Variants in CFAP95 observed in about 807,000 individuals in gnomAD.
CFAP95 encodes the protein cilia and flagella associated protein 95, also known as cilia- and flagella-associated protein 95.
the CFAP95 span, chr9:69,856,677 T>C: frequency 6.3e-7 from 1 of 1,586,396 alleles, no homozygotes; most frequent in South Asian, 1.1e-5. Flanking sequence ...TCGAAAGGTA[T>C]TCTTAATACT....
the CFAP95 span, among the ~76,000 whole-genome samples, chr9:69,898,413 A>G: frequency 1.5e-4 from 23 of 152,334 alleles, no homozygotes; most frequent in Non-Finnish European, 2.9e-4. Flanking sequence ...CCATGGCTGT[A>G]TACCAATCAA....
chr9:69,884,957 G>A, the CFAP95 span: 1 of 152,126 alleles, frequency 6.6e-6, no homozygotes, highest in Non-Finnish European at 1.5e-5. Context: ...ATCACCTGAA[G>A]GGCTTGCTGA....
the CFAP95 span, among the ~76,000 whole-genome samples, chr9:69,827,117 T>C: frequency 2.0e-3 from 303 of 152,338 alleles, 2 homozygotes; most frequent in African/African-American, 7.0e-3. Context: ...CTAGTTGCAG[T>C]GTGTGTCATA....
chr9:69,838,604 G>A, the CFAP95 span, among the ~76,000 whole-genome samples: 18 of 151,870 alleles, frequency 1.2e-4, no homozygotes, highest in Non-Finnish European at 2.6e-4. Context: ...CTTCGCTGAA[G>A]TTGCTTATCA....
chr9:69,854,877 A>G, the CFAP95 span, among the ~76,000 whole-genome samples: 4 of 152,190 alleles, frequency 2.6e-5, no homozygotes, highest in South Asian at 2.1e-4. Context: ...TGTTCTGAGT[A>G]GGTTGATACA....
chr9:69,881,478 G>A, the CFAP95 span, among the ~76,000 whole-genome samples: 2,803 of 152,242 alleles, frequency 0.018, 92 homozygotes, highest in African/African-American at 0.064. Context: ...CACTGTAGGT[G>A]TGTGGATTTG....
the CFAP95 span, among the ~76,000 whole-genome samples, chr9:69,833,567 G>A: frequency 2.6e-5 from 4 of 152,250 alleles, no homozygotes; most frequent in East Asian, 7.7e-4. Context: ...TATCTGTGCA[G>A]CTGCGGGAAA....
chr9:69,863,436 T>G, the CFAP95 span, among the ~76,000 whole-genome samples: 1 of 152,202 alleles, frequency 6.6e-6, no homozygotes, highest in African/African-American at 2.4e-5. Context: ...TAAGTCAATT[T>G]AAGAGTTTTT....
the CFAP95 span, among the ~76,000 whole-genome samples, chr9:69,846,223 C>T: frequency 2.0e-5 from 3 of 152,012 alleles, no homozygotes; most frequent in Non-Finnish European, 4.4e-5. Context: ...TACCTCATAT[C>T]GTGGGGGAAG....
the CFAP95 span, among the ~76,000 whole-genome samples, chr9:69,873,312 T>A: frequency 6.6e-6 from 1 of 152,210 alleles, no homozygotes; most frequent in Admixed American, 6.5e-5. Flanking sequence ...GATAAAAAAA[T>A]AAGCCTGGCA....
chr9:69,905,729 T>G, the CFAP95 span, among the ~76,000 whole-genome samples: 16 of 152,214 alleles, frequency 1.1e-4, no homozygotes, highest in Non-Finnish European at 2.1e-4. Context: ...CTTTTTAGTT[T>G]TATAAACAAC....
At chr9:69,900,212 CCCCAATACA>C in the CFAP95 span, among the ~76,000 whole-genome samples, 1 of 151,848 alleles carries the variant, frequency 6.6e-6, no homozygotes, top group Non-Finnish European at 1.5e-5. Flanking sequence ...GTATTGGGGA[CCCCAATACA>C]CCATACTCTT....
chr9:69,893,729 G>A, the CFAP95 span, among the ~76,000 whole-genome samples: 12 of 152,132 alleles, frequency 7.9e-5, no homozygotes, highest in Non-Finnish European at 1.3e-4. Flanking sequence ...CTTGTACCTG[G>A]AAAATTAAGG....
the CFAP95 span, among the ~76,000 whole-genome samples, chr9:69,883,995 A>C: frequency 1.3e-5 from 2 of 151,464 alleles, no homozygotes; most frequent in Non-Finnish European, 2.9e-5. Flanking sequence ...TATTTATTTG[A>C]GGTGTTTCTT....
chr9:69,876,393 C>G, the CFAP95 span, among the ~76,000 whole-genome samples: 5 of 151,910 alleles, frequency 3.3e-5, no homozygotes, highest in Non-Finnish European at 7.4e-5. Flanking sequence ...ATTACTTGGG[C>G]CTGGTGATGC....
At chr9:69,866,350 G>C in the CFAP95 span, among the ~76,000 whole-genome samples, 3 of 152,186 alleles carry the variant, frequency 2.0e-5, no homozygotes, top group African/African-American at 7.2e-5. Context: ...AATTCACTTA[G>C]AGTCTGAAGG....
the CFAP95 span, among the ~76,000 whole-genome samples, chr9:69,893,993 G>C: frequency 6.6e-6 from 1 of 152,156 alleles, no homozygotes; most frequent in Non-Finnish European, 1.5e-5. Context: ...GGTAGAATTG[G>C]AGAGGAGGGA....
the CFAP95 span, among the ~76,000 whole-genome samples, chr9:69,883,314 G>T: frequency 6.6e-6 from 1 of 152,136 alleles, no homozygotes; most frequent in Non-Finnish European, 1.5e-5. Flanking sequence ...GAATGTTTCT[G>T]TGTTGGGGAG....
At chr9:69,827,501 G>A in the CFAP95 span, among the ~76,000 whole-genome samples, 1 of 152,156 alleles carries the variant, frequency 6.6e-6, no homozygotes, top group South Asian at 2.1e-4. Flanking sequence ...TCAGAACAGT[G>A]CCCACTCTTT....
Sources: allele counts gnomAD v4.1 joint callset (sites outside exome capture counted in the v4.1 genomes callset), GRCh38; gene constraint gnomAD v4.1.1; transcripts MANE v1.5; gene names NCBI Gene and HGNC (gene_info 2026-07-23, HGNC 2026-07-21).